The following TIAM2 variants were observed in gnomAD, a reference collection of about 807,000 sequenced individuals.
TIAM2 encodes the protein rho guanine nucleotide exchange factor TIAM2.
A neutral mutation model predicts 152.9 loss-of-function variants in TIAM2; 80 were observed. The ratio of observed to expected loss-of-function variants is 0.52; its 90% confidence interval spans 0.44 to 0.63. The LOEUF (loss-of-function observed/expected upper bound fraction) is 0.63, where lower values mean the gene tolerates loss of function less well. Among genes scored for constraint, TIAM2 ranks in the 30% least tolerant of loss-of-function variants. TIAM2 has a pLI of 0.00. For synonymous variants in TIAM2, 804 were observed against 838.0 expected (o/e 0.96, Z 0.70); for missense variants, 1,965 against 2,120.1 (o/e 0.93, Z 1.44).
At chr6:155,052,895 A>G (rs965621449) in intron 1 of TIAM2, among the ~76,000 whole-genome samples, 12 of 152,184 alleles carry the variant, frequency 7.9e-5, no homozygotes, top group African/African-American at 2.7e-4. Flanking sequence ...AAAATATTAC[A>G]TAAGTTCCAT....
At chr6:155,239,287 T>C (rs1782915169) in intron 15 of TIAM2, among the ~76,000 whole-genome samples, 1 of 152,144 alleles carries the variant, frequency 6.6e-6, no homozygotes, top group Non-Finnish European at 1.5e-5. Context: ...GTCATTTGTG[T>C]TGGGACTCAG....
intron 15 of TIAM2, among the ~76,000 whole-genome samples, chr6:155,216,009 G>A (rs1484512893): frequency 6.6e-6 from 1 of 151,994 alleles, no homozygotes; most frequent in Non-Finnish European, 1.5e-5. Flanking sequence ...AGGTCTCACT[G>A]TGTTGCCCAG....
chr6:155,078,800 C>A (rs529578063), intron 1 of TIAM2, among the ~76,000 whole-genome samples: 20 of 152,266 alleles, frequency 1.3e-4, no homozygotes, highest in African/African-American at 4.8e-4. Flanking sequence ...TCTTCAAATC[C>A]TTTTTAAAGT....
At chr6:155,166,400 C>T (rs956245700) in intron 9 of TIAM2, among the ~76,000 whole-genome samples, 1 of 151,622 alleles carries the variant, frequency 6.6e-6, no homozygotes, top group Non-Finnish European at 1.5e-5. Context: ...CTTGGCTCGC[C>T]GCAACCTCTG....
rs1777219529 is a variant in TIAM2, at chr6:155,047,698, A to AGAGAGAG, written c.-208-42590_-208-42584dup. Among the ~76,000 whole-genome samples the AGAGAGAG allele has an allele frequency of 9.6e-5, 4 of 41,626 alleles. 1 individual carries two copies. The highest frequency in any genetic ancestry group is 4.7e-4 in the African/African-American group (4 of 8,448). 27.3% of individuals were successfully genotyped at this position (41,626 alleles called of 152,430 possible). ...AGAGAGAGAGAGAGAGGAGAGAGAG[A>AGAGAGAG]GAGAGAGCGAGAGAGAGAGAGAGAG... On this transcript the variant is annotated intron_variant, in intron 1 of 26. Transcript: ENST00000682666.
chr6:155,004,896 C>T (rs574932774), intron 1 of TIAM2: 3 of 160,498 alleles, frequency 1.9e-5, no homozygotes, highest in East Asian at 1.8e-4. Flanking sequence ...GGGGAGAGGT[C>T]GCTGAGGTGG....
intron 1 of TIAM2, among the ~76,000 whole-genome samples, chr6:155,058,698 AG>A (rs1368725598): frequency 6.6e-6 from 1 of 152,186 alleles, no homozygotes; most frequent in African/African-American, 2.4e-5. Flanking sequence ...GTGATCACTA[AG>A]TCTTGGAGCT....
In TIAM2 at chr6:155,176,973, G is replaced by A. The variant is rs1229986259; in HGVS notation, c.2519G>A (p.Cys840Tyr). 6.2e-7 allele frequency: 1 copy of A among 1,605,888 alleles called. No homozygotes were observed. The highest frequency in any genetic ancestry group is 2.2e-5 in the East Asian group (1 of 44,704). ...HRVEDILTLA[C>Y]KMRQLEPSHY... is the part of the protein sequence containing the mutation. ...GTAGAAGATATTTTGACTTTGGCAT[G>A]CAAGGTAACGGATTTTGCTGCAGAA... The change falls in exon 10 of 27, where the codon TGC becomes TAC. Residue 840 changes from cysteine (C) to tyrosine (Y), a missense_variant. Transcript: ENST00000682666.
At chr6:155,000,398 G>A (rs1239387099) in intron 1 of TIAM2, among the ~76,000 whole-genome samples, 2 of 152,030 alleles carry the variant, frequency 1.3e-5, no homozygotes, top group Admixed American at 6.6e-5. Flanking sequence ...GGGCGTGGTG[G>A]CACATGCCTG....
Position 155,195,795 on chromosome 6 carries a change from G to A in TIAM2, c.3064+12295G>A, listed in dbSNP as rs543555144. Among the ~76,000 whole-genome samples, 10 of 152,330 alleles carry A rather than the reference G, an allele frequency of 6.6e-5. No individual in the cohort carries two copies. The East Asian group carries it at 1.7e-3, about 26-fold the overall frequency. On this transcript the variant is annotated intron_variant, in intron 14 of 26. Transcript: ENST00000682666. ...AGGTCAGGGATGGGGCCACGTGGCC[G>A]TCAGGGGGCAAAGCCTTCTAGGCTG...
rs537481501 is a variant in TIAM2 at position 155,148,470 on chromosome 6, T to C, written c.2028+136T>C. 2.2e-4 allele frequency: 201 copies of C among 904,248 alleles called. 1 individual carries two copies. Among genetic ancestry groups the C allele is most frequent in the Admixed American group, 8.7e-4 (32 of 36,640 alleles). The allele number at this position is 904,248 out of a possible 1,614,324, so 56.0% of individuals were successfully genotyped here. On this transcript the variant is annotated intron_variant, in intron 7 of 26. Transcript: ENST00000682666. The stretch of plus-strand genomic sequence containing the variant: ...TTCTTACACCCTGGGGGAAATAATT[T>C]CTGTGGTTTTTCATTTTAGGTACCT...
At position 155,213,647 on chromosome 6, in the gene TIAM2, C is replaced by A. The variant is rs1447058489; in HGVS notation, c.3168+2340C>A. On this transcript the variant is annotated intron_variant, in intron 15 of 26. Coordinates refer to ENST00000682666, the MANE Select transcript of TIAM2 (RefSeq NM_012454.4). The surrounding 1 kb of genome is among the most constrained non-coding windows in gnomAD (Gnocchi z 4.2). Reference sequence around the variant, plus strand: ...TTGAAAGTGGGGCTTTTCTGGGGACCCACTCCTTTCCACCCAGGAGCCTGT... The same window carrying A: ...TTGAAAGTGGGGCTTTTCTGGGGACACACTCCTTTCCACCCAGGAGCCTGT... 6.6e-6 allele frequency among the ~76,000 whole-genome samples: 1 copy of A among 152,162 alleles called. No homozygotes were observed.
intron 2 of TIAM2, among the ~76,000 whole-genome samples, chr6:155,093,282 T>G (rs538343112): frequency 6.6e-6 from 1 of 152,254 alleles, no homozygotes; most frequent in Non-Finnish European, 1.5e-5. Flanking sequence ...GGTGCCTACC[T>G]CACAGTGTAG....
intron 14 of TIAM2, among the ~76,000 whole-genome samples, chr6:155,198,666 C>CAAAAAAAAAAAAAAAAAAAAAAAAAAAAA (rs10626644): frequency 2.8e-5 from 2 of 70,358 alleles, no homozygotes; most frequent in African/African-American, 6.7e-5. Context: ...GAGCAAATCT[C>CAAAAAAAAAAAAAAAAAAAAAAAAAAAAA]AAAAAAAAAA....
chr6:155,046,107 C>G (rs996655388), intron 1 of TIAM2, among the ~76,000 whole-genome samples: 1 of 151,930 alleles, frequency 6.6e-6, no homozygotes, highest in Non-Finnish European at 1.5e-5. Context: ...TGGAAGGAGG[C>G]TTCCCACCTC....
chr6:155,025,049 C>A (rs926053168), intron 1 of TIAM2, among the ~76,000 whole-genome samples: 1 of 152,064 alleles, frequency 6.6e-6, no homozygotes, highest in Admixed American at 6.6e-5. Flanking sequence ...TTTTTAGAGA[C>A]GGAGTCTGGC....
At chr6:155,155,128 A>AT (rs1414789703) in intron 7 of TIAM2, among the ~76,000 whole-genome samples, 1 of 151,888 alleles carries the variant, frequency 6.6e-6, no homozygotes, top group Non-Finnish European at 1.5e-5. Context: ...TGAAAGTGTT[A>AT]TTTTTTATTT....
rs555644875 is a variant in TIAM2, at chr6:155,079,099, T to C, written c.-208-11190T>C. Among the ~76,000 whole-genome samples, 711 of 152,284 alleles carry C rather than the reference T, an allele frequency of 4.7e-3. 4 individuals carry two copies. The highest frequency in any genetic ancestry group is 0.02 in the Middle Eastern group (6 of 294). ...TTTTTTGAGGCAGAGTCTTTCTCTC[T>C]TGCCCAGGCTGGAGTGCAGTGGTGC... On this transcript the variant is annotated intron_variant, in intron 1 of 26. Transcript: ENST00000682666.
In TIAM2 at chr6:155,019,867, A is replaced by ATGT. The variant is rs1195683990; in HGVS notation, c.-209+24375_-209+24376insTGT. On this transcript the variant is annotated intron_variant, in intron 1 of 26. Coordinates refer to ENST00000682666, the MANE Select transcript of TIAM2 (RefSeq NM_012454.4). ...CAAGAGATTGAGACCATCCTGGCCA[A>ATGT]CAAGGTAAAACCCCATCTCTACTAA... 7.2e-3 allele frequency among the ~76,000 whole-genome samples: 1,094 copies of ATGT among 152,280 alleles called. 10 individuals carry two copies. The highest frequency in any genetic ancestry group is 0.024 in the African/African-American group (1,006 of 41,552).
Sources: gnomAD v4.1 joint callset for allele counts (sites outside exome capture counted in the v4.1 genomes callset) on GRCh38, gnomAD v4.1.1 for gene constraint, Gnocchi (gnomAD v3.1) non-coding constraint, MANE v1.5 for transcripts, NCBI Gene and HGNC (gene_info 2026-07-23, HGNC 2026-07-21) for gene names.